HAGHL: variants seen among roughly 807,000 people sequenced by gnomAD.
HAGHL encodes the protein hydroxyacylglutathione hydrolase-like protein.
A neutral mutation model predicts 29.2 loss-of-function variants in HAGHL; 27 were observed. The ratio of observed to expected loss-of-function variants is 0.92; its 90% CI spans 0.68 to 1.27. The LOEUF is 1.27. HAGHL is among the 50% of genes most tolerant of loss of function. The pLI is 0.00. For synonymous variants in HAGHL, 223 were observed against 185.7 expected (o/e 1.20, Z -1.63); for missense variants, 529 against 405.5 (o/e 1.30, Z -2.62).
chr16:727,307 T>G lies in HAGHL; in HGVS notation c.-203T>G. 2.0e-6 allele frequency: 1 copy of G among 509,554 alleles called. No individual in the cohort carries two copies. Among genetic ancestry groups the G allele is most frequent in the South Asian group, 2.6e-5 (1 of 39,100 alleles). 31.6% of individuals were successfully genotyped at this position (509,554 alleles called of 1,614,324 possible). A position where few individuals can be genotyped will look rare whatever the true frequency, so the allele number is the denominator to read the frequency against. ...TTGGGGACCGGCCGGGTTCCGCTCC[T>G]GCTGGAGCCCGGTGCGTGGAATTCC... On this transcript the variant is annotated 5_prime_UTR_variant, in exon 1 of 8. Transcript: ENST00000389703.
chr16:729,636 C>T lies in HAGHL; in HGVS notation c.*180C>T, dbSNP rs2041245142. 2 of 1,520,304 alleles carry T rather than the reference C, an allele frequency of 1.3e-6. No individual in the cohort carries two copies. The highest frequency in any genetic ancestry group is 1.8e-6 in the Non-Finnish European group (2 of 1,138,388). The allele number at this position is 1,520,304 out of a possible 1,614,324, so 94.2% of individuals were successfully genotyped here. A position where few individuals can be genotyped will look rare whatever the true frequency, so the allele number is the denominator to read the frequency against. On this transcript the variant is annotated 3_prime_UTR_variant, in exon 8 of 8. Transcript: ENST00000389703. ...GACACACAGGACCACTCAGTGGGGCCTGTGTGGGCGCCGAGACCTGGGTGT... is the reference window on the plus strand; with the variant it reads ...GACACACAGGACCACTCAGTGGGGCTTGTGTGGGCGCCGAGACCTGGGTGT...
At position 728,247 on chromosome 16, in the gene HAGHL, C is replaced by T; in HGVS notation, c.288+14C>T. ...GAGGAGCTGCGGGTGAGCGCGCGCTCCCGGGAGGGGCGGGGAGGGCGCCCC... is the reference window on the plus strand; with the variant it reads ...GAGGAGCTGCGGGTGAGCGCGCGCTTCCGGGAGGGGCGGGGAGGGCGCCCC... On this transcript the variant is annotated intron_variant, in intron 3 of 7. Coordinates refer to ENST00000389703, the MANE Select transcript of HAGHL (RefSeq NM_032304.4). The T allele has an allele frequency of 6.7e-7, 1 of 1,498,946 alleles. No homozygotes were observed. The highest frequency in any genetic ancestry group is 8.8e-7 in the Non-Finnish European group (1 of 1,131,426). The allele number at this position is 1,498,946 out of a possible 1,614,324, so 92.9% of individuals were successfully genotyped here. A position where few individuals can be genotyped will look rare whatever the true frequency, so the allele number is the denominator to read the frequency against.
chr16:728,791 C>T lies in HAGHL; in HGVS notation c.499-3C>T, dbSNP rs1447578704. The T allele has an allele frequency of 1.7e-5, 28 of 1,611,642 alleles. No homozygotes were observed. The highest frequency in any genetic ancestry group is 2.3e-5 in the Non-Finnish European group (27 of 1,179,552). On this transcript the variant is annotated splice_region_variant and splice_polypyrimidine_tract_variant and intron_variant, in intron 5 of 7. Coordinates refer to ENST00000389703, the MANE Select transcript of HAGHL (RefSeq NM_032304.4). ...GCGCGCTCACCGAGCGCTCTTCCTCCAGAAGGTGTTCTGCGGCCACGAGCA... is the reference window on the plus strand; with the variant it reads ...GCGCGCTCACCGAGCGCTCTTCCTCTAGAAGGTGTTCTGCGGCCACGAGCA...
At position 728,321 on chromosome 16, in the gene HAGHL, G is replaced by T. The variant is rs1424517077; in HGVS notation, c.294G>T (p.Gly98=). 1.0e-5 allele frequency: 16 copies of T among 1,552,930 alleles called. No homozygotes were observed. In the Admixed American group the frequency reaches 1.7e-4, roughly 16 times the overall value. Residue 98 remains glycine, a synonymous_variant, in exon 4 of 8, where the codon GGG becomes GGT. Coordinates refer to ENST00000389703, the MANE Select transcript of HAGHL (RefSeq NM_032304.4). ...CGCCTGCTCCTCCGCCGCAGTTCGG[G>T]GCCATCCACGTGCGTTGCCTCCTGA... ...RLAHGEELRF[G]AIHVRCLLTP...
At chr16:729,227 C>T in intron 7 of HAGHL, 61 bp from the exon 8 acceptor site, 1 of 1,545,112 alleles carries the variant, frequency 6.5e-7, no homozygotes, top group South Asian at 1.2e-5. Context: ...CCGCCCACCC[C>T]TCGGCGCCAT....
In HAGHL at chr16:728,534, C is replaced by G. The variant is rs374833821; in HGVS notation, c.428C>G (p.Ser143Trp). 9 of 1,529,056 alleles carry G rather than the reference C, an allele frequency of 5.9e-6. No individual in the cohort carries two copies. Among genetic ancestry groups the G allele is most frequent in the Non-Finnish European group, 7.9e-6 (9 of 1,144,026 alleles). The allele number at this position is 1,529,056 out of a possible 1,614,324, so 94.7% of individuals were successfully genotyped here. The change falls in exon 5 of 8, where the codon TCG becomes TGG. Residue 143 changes from serine (S) to tryptophan (W), a missense_variant. Physicochemically the swap from Ser to Trp is radical, Grantham distance 177 (BLOSUM62 -3). Coordinates refer to ENST00000389703, the MANE Select transcript of HAGHL (RefSeq NM_032304.4). ...GDALSVAGCGSCLEGSAQQMY... is the reference protein window; with the variant it reads ...GDALSVAGCGWCLEGSAQQMY... ...GCGCTGTCGGTGGCCGGCTGCGGCT[C>G]GTGCCTGGAGGGCAGCGCCCAGCAG...
At position 728,825 on chromosome 16, in the gene HAGHL, G is replaced by C. The variant is rs972943962; in HGVS notation, c.530G>C (p.Ser177Thr). The change falls in exon 6 of 8, where the codon AGC becomes ACC. Residue 177 changes from serine (S) to threonine (T), a missense_variant. Transcript: ENST00000389703. ...TTCTGCGGCCACGAGCACACGCTTA[G>C]CAACCTGGAGTTTGCCCAGAAAGTG... ...KVFCGHEHTL[S>T]NLEFAQKVEP... 6.2e-7 allele frequency: 1 copy of C among 1,611,848 alleles called. No individual in the cohort carries two copies. Among genetic ancestry groups the C allele is most frequent in the Admixed American group, 1.7e-5 (1 of 59,940 alleles).
In HAGHL at chr16:728,379, T is replaced by TG; in HGVS notation, c.352_353insG (p.Phe118CysfsTer60). The stretch of plus-strand genomic sequence containing the variant: ...CCACACCGCCGGCCACATGAGCTAC[T>TG]TCCTGTGGGAGGACGATTGCCCGGA... On this transcript the variant is annotated frameshift_variant, in exon 4 of 8. Coordinates refer to ENST00000389703, the MANE Select transcript of HAGHL (RefSeq NM_032304.4). LOFTEE classifies it high-confidence loss of function. The TG allele has an allele frequency of 6.3e-7, 1 of 1,579,500 alleles. No homozygotes were observed. The highest frequency in any genetic ancestry group is 1.7e-4 in the Middle Eastern group (1 of 5,772).
chr16:729,225 C>A, intron 7 of HAGHL, 63 bp from the exon 8 acceptor site: 2 of 1,544,644 alleles, frequency 1.3e-6, no homozygotes, highest in Non-Finnish European at 1.7e-6. Context: ...GCCCGCCCAC[C>A]CCTCGGCGCC....
chr16:728,175 G>C lies in HAGHL; in HGVS notation c.230G>C (p.Gly77Ala), dbSNP rs1426612403. The C allele has an allele frequency of 2.7e-6, 4 of 1,459,358 alleles. No individual in the cohort carries two copies. The South Asian group carries it at 5.6e-5, about 20-fold the overall frequency. The allele number at this position is 1,459,358 out of a possible 1,614,324, so 90.4% of individuals were successfully genotyped here. The change falls in exon 3 of 8, where the codon GGC (glycine) becomes GCC (alanine). Residue 77 changes from glycine to alanine, a missense_variant. Coordinates refer to ENST00000389703, the MANE Select transcript of HAGHL (RefSeq NM_032304.4). ...CTTCGTCCCGGGCTGGCGGTGCTGG[G>C]CGCGGACGAGCGCATCTTCTCGCTG... is the stretch of plus-strand genomic sequence containing the variant. The part of the protein sequence containing the change: ...ARLRPGLAVL[G>A]ADERIFSLTR...
rs748205083 is a variant in HAGHL at position 727,516 on chromosome 16, G to A, written c.7G>A (p.Val3Ile). 3.7e-6 allele frequency: 6 copies of A among 1,603,360 alleles called. No individual in the cohort carries two copies. Among genetic ancestry groups the A allele is most frequent in the Non-Finnish European group, 5.1e-6 (6 of 1,172,868 alleles). Residue 3 changes from valine (V) to isoleucine (I), a missense_variant, in exon 1 of 8, where the codon GTC becomes ATC. Coordinates refer to ENST00000389703, the MANE Select transcript of HAGHL (RefSeq NM_032304.4). ...GTGGCCGAGCTCCGTGACCATGAAG[G>A]TCAAGGTCATCCCCGTGCTCGAGGA... Reference protein sequence around the residue: MKVKVIPVLEDNY... With the variant: MKIKVIPVLEDNY...
In HAGHL at chr16:728,773, C is replaced by T. The variant is rs60982207; in HGVS notation, c.499-21C>T. 6.2e-3 allele frequency: 9,983 copies of T among 1,608,378 alleles called. 556 individuals are homozygous for T. In the African/African-American group the frequency reaches 0.12, roughly 19 times the overall value. Reference sequence around the variant, plus strand: ...CCCGCTTCCTGGCCGCGTGCGCGCTCACCGAGCGCTCTTCCTCCAGAAGGT... The same window carrying T: ...CCCGCTTCCTGGCCGCGTGCGCGCTTACCGAGCGCTCTTCCTCCAGAAGGT... On this transcript the variant is annotated intron_variant, in intron 5 of 7. Coordinates refer to ENST00000389703, the MANE Select transcript of HAGHL (RefSeq NM_032304.4).
chr16:728,488 C>G lies in HAGHL; in HGVS notation c.398-16C>G, dbSNP rs755654937. 29 of 1,522,956 alleles carry G rather than the reference C, an allele frequency of 1.9e-5. No homozygotes were observed. Among genetic ancestry groups the G allele is most frequent in the Non-Finnish European group, 2.6e-5 (29 of 1,136,982 alleles). The allele number at this position is 1,522,956 out of a possible 1,614,324, so 94.3% of individuals were successfully genotyped here. ...CGGCCCCGCCCCATCTGCTCTGACC[C>G]GCCCTCCCCCGCCAGGCGACGCGCT... On this transcript the variant is annotated splice_polypyrimidine_tract_variant and intron_variant, in intron 4 of 7. Coordinates refer to ENST00000389703, the MANE Select transcript of HAGHL (RefSeq NM_032304.4).
Position 727,952 on chromosome 16 carries a change from C to A in HAGHL, c.106-13C>A. On this transcript the variant is annotated splice_polypyrimidine_tract_variant and intron_variant, in intron 1 of 7. Transcript: ENST00000389703. ...GGGACCGTCTGTGTTACCGTCACTC[C>A]CGTCCCTTTCAGCTGCTGGAGATCG... is the stretch of plus-strand genomic sequence containing the variant. The A allele has an allele frequency of 6.2e-7, 1 of 1,605,896 alleles. No individual in the cohort carries two copies.
At chr16:728,933 G>T (rs894106900) in intron 6 of HAGHL, 38 bp downstream of exon 6, 9 of 912,884 alleles carry the variant, frequency 9.9e-6, no homozygotes, top group Middle Eastern at 4.8e-4. Flanking sequence ...AGGGTGGGGG[G>T]GGAGGGAACA....
chr16:729,174 C>T (rs370323070), intron 7 of HAGHL, 86 bp downstream of exon 7: 9 of 1,577,248 alleles, frequency 5.7e-6, no homozygotes, highest in Non-Finnish European at 7.7e-6. Flanking sequence ...GCTGAGTGAG[C>T]ATCTCTGGCT....
In HAGHL at chr16:729,681, G is replaced by T; in HGVS notation, c.*225G>T. 2.7e-6 allele frequency: 4 copies of T among 1,503,104 alleles called. No individual in the cohort carries two copies. The highest frequency in any genetic ancestry group is 3.5e-6 in the Non-Finnish European group (4 of 1,130,552). The allele number at this position is 1,503,104 out of a possible 1,614,324, so 93.1% of individuals were successfully genotyped here. A position where few individuals can be genotyped will look rare whatever the true frequency, so the allele number is the denominator to read the frequency against. On this transcript the variant is annotated 3_prime_UTR_variant, in exon 8 of 8. Transcript: ENST00000389703. ...GGGTGTCTGGGAAGTGGGGCACACG[G>T]GGCCTCCGAACTATGAATAAAGCTT... is the stretch of plus-strand genomic sequence containing the variant.
In HAGHL at chr16:728,412, GC is replaced by G; in HGVS notation, c.388del (p.Leu130CysfsTer63). On this transcript the variant is annotated frameshift_variant, in exon 4 of 8. Coordinates refer to ENST00000389703, the MANE Select transcript of HAGHL (RefSeq NM_032304.4). LOFTEE classifies it high-confidence loss of function. ...GGAGGACGATTGCCCGGACCCACCC[GC>G]CCTGTTCTCGGGTACCCGCAGCGCG... is the stretch of plus-strand genomic sequence containing the variant. ...LWEDDCPDPP[A>X]LFSGDALSVA... 1.7e-6 allele frequency: 1 copy of G among 594,622 alleles called. No homozygotes were observed. The allele number at this position is 594,622 out of a possible 1,614,324, so 36.8% of individuals were successfully genotyped here.
At position 727,947 on chromosome 16, in the gene HAGHL, C is replaced by T. The variant is rs757285375; in HGVS notation, c.106-18C>T. 6.2e-7 allele frequency: 1 copy of T among 1,604,216 alleles called. No homozygotes were observed. The highest frequency in any genetic ancestry group is 1.1e-5 in the South Asian group (1 of 89,354). ...CCACCGGGACCGTCTGTGTTACCGT[C>T]ACTCCCGTCCCTTTCAGCTGCTGGA... On this transcript the variant is annotated intron_variant, in intron 1 of 7. Coordinates refer to ENST00000389703, the MANE Select transcript of HAGHL (RefSeq NM_032304.4).
Sources: allele counts gnomAD v4.1 joint callset, GRCh38; gene constraint gnomAD v4.1.1; transcripts MANE v1.5; gene names NCBI Gene and HGNC (gene_info 2026-07-23, HGNC 2026-07-21).